MYH11: variants seen among roughly 807,000 people sequenced by gnomAD.
The protein encoded by MYH11 is myosin-11.
In MYH11, 80 loss-of-function variants were observed where a neutral mutation model predicts 246.6. The ratio of observed to expected loss-of-function variants is 0.32; its 90% CI spans 0.27 to 0.39. The LOEUF (loss-of-function observed/expected upper bound fraction) is 0.39, where lower values mean the gene tolerates loss of function less well. Ranked by LOEUF, MYH11 falls within the 10% of genes least tolerant of loss-of-function variation. MYH11 has a pLI of 1.00. For missense variants in MYH11, 2,158 were observed against 2,546.8 expected (o/e 0.85, Z 3.29); for synonymous variants, 1,071 against 1,015.5 (o/e 1.05, Z -1.04).
At chr16:15,743,366 G>A (rs1234986989) in intron 20 of MYH11, among the ~76,000 whole-genome samples, 3 of 151,944 alleles carry the variant, frequency 2.0e-5, no homozygotes, top group Admixed American at 6.6e-5. Context: ...ATAGGGTTTC[G>A]CCATGTTGGC....
intron 32 of MYH11, 68 bp from the exon 33 acceptor site, chr16:15,721,119 G>A (rs534984822): frequency 2.2e-5 from 34 of 1,548,244 alleles, no homozygotes; most frequent in East Asian, 2.0e-4. Flanking sequence ...GAAACCCACC[G>A]TGAGCGGCAC....
At chr16:15,714,208 G>T (rs1283011629) in intron 40 of MYH11, 2 of 153,778 alleles carry the variant, frequency 1.3e-5, no homozygotes, top group Non-Finnish European at 2.9e-5. Flanking sequence ...CTTGGGAGCA[G>T]GGGGGACCCC....
At position 15,759,622 on chromosome 16, in the gene MYH11, G is replaced by A. The variant is rs1291260053; in HGVS notation, c.1355C>T (p.Ala452Val). 6.2e-7 allele frequency: 1 copy of A among 1,614,042 alleles called. No homozygotes were observed. Among genetic ancestry groups the A allele is most frequent in the African/African-American group, 1.3e-5 (1 of 74,908 alleles). The change falls in exon 12 of 41, where the codon GCT becomes GTT. Residue 452 changes from alanine (A) to valine (V), a missense_variant. Ala to Val is a moderately conservative substitution (Grantham distance 64). Transcript: ENST00000300036. ...KALDKTHRQG[A>V]SFLGILDIAG... Reference sequence around the variant, plus strand: ...TATATCCAGGATCCCCAGGAAGGAAGCCCCTTGCCGATGGGTCTTGTCCAG... The same window carrying A: ...TATATCCAGGATCCCCAGGAAGGAAACCCCTTGCCGATGGGTCTTGTCCAG...
chr16:15,741,987 T>A, intron 20 of MYH11, 96 bp from the exon 21 acceptor site: 1 of 1,534,032 alleles, frequency 6.5e-7, no homozygotes, highest in Non-Finnish European at 8.8e-7. Context: ...GGGACAATGT[T>A]GCCCCCACCG....
chr16:15,845,830 G>A (rs916071678), intron 1 of MYH11, among the ~76,000 whole-genome samples: 1 of 152,106 alleles, frequency 6.6e-6, no homozygotes, highest in African/African-American at 2.4e-5. Flanking sequence ...GATGGCTCAT[G>A]CCTATAATCC....
chr16:15,845,060 C>A (rs1287339485), intron 1 of MYH11, among the ~76,000 whole-genome samples: 2 of 152,216 alleles, frequency 1.3e-5, no homozygotes, highest in African/African-American at 4.8e-5. Context: ...CGTGACTCTG[C>A]CACTGCAGAA....
At chr16:15,821,469 A>AG (rs759466934) in intron 3 of MYH11, among the ~76,000 whole-genome samples, 37 of 152,330 alleles carry the variant, frequency 2.4e-4, no homozygotes, top group Non-Finnish European at 5.0e-4. Context: ...AATATACAAT[A>AG]TTAAAGACTT....
At chr16:15,745,006 T>C in intron 20 of MYH11, 123 bp downstream of exon 20, 1 of 770,168 alleles carries the variant, frequency 1.3e-6, no homozygotes, top group Non-Finnish European at 2.3e-6. Flanking sequence ...ATGCTCAAGG[T>C]CTGAGTTCGA....
intron 10 of MYH11, 55 bp downstream of exon 10, chr16:15,763,741 T>TCA: frequency 9.3e-6 from 6 of 646,862 alleles, no homozygotes; most frequent in South Asian, 1.4e-5. Context: ...AAATGTCACC[T>TCA]CCCCCACCCC....
chr16:15,782,311 C>T (rs1209298828), intron 6 of MYH11, 74 bp downstream of exon 6: 1 of 1,349,604 alleles, frequency 7.4e-7, no homozygotes, highest in Non-Finnish European at 1.1e-6. Context: ...CCTCTGCACG[C>T]AAACACTCTG....
chr16:15,780,279 G>A (rs191339590), intron 6 of MYH11, among the ~76,000 whole-genome samples: 6 of 151,910 alleles, frequency 3.9e-5, no homozygotes, highest in Admixed American at 2.6e-4. Flanking sequence ...GTTGGGGGGG[G>A]GCCGCTGTTG....
intron 7 of MYH11, among the ~76,000 whole-genome samples, chr16:15,778,453 A>G (rs1280621548): frequency 2.0e-5 from 3 of 152,178 alleles, no homozygotes; most frequent in Admixed American, 6.5e-5. Flanking sequence ...TCACATTTCT[A>G]TGAGGCAGGT....
chr16:15,707,185 T>A (rs1348401963), intron 40 of MYH11, among the ~76,000 whole-genome samples: 1 of 152,078 alleles, frequency 6.6e-6, no homozygotes, highest in South Asian at 2.1e-4. Flanking sequence ...ACTACAGACA[T>A]GCCACCACTC....
chr16:15,856,720 C>G (rs916376578), intron 1 of MYH11, among the ~76,000 whole-genome samples: 10 of 151,848 alleles, frequency 6.6e-5, no homozygotes, highest in African/African-American at 2.2e-4. Context: ...AATGGTACTT[C>G]TCACTGGCAA....
chr16:15,845,281 TATG>T (rs1336097106), intron 1 of MYH11, among the ~76,000 whole-genome samples: 2 of 145,274 alleles, frequency 1.4e-5, no homozygotes, highest in Non-Finnish European at 1.5e-5. Context: ...CTTAAAACAG[TATG>T]ATATTTTTTC....
rs375133214 is a variant in MYH11, at chr16:15,753,494, C to G, written c.1764G>C (p.Ala588=). 15 of 1,613,972 alleles carry G rather than the reference C, an allele frequency of 9.3e-6. No homozygotes were observed. In the Middle Eastern group the frequency reaches 4.9e-4, roughly 53 times the overall value. ...IHYAGKVDYN[A]SAWLTKNMDP... ...CCATATTCTTGGTCAGCCAGGCACT[C>G]GCATTATAGTCCACCTGCCAAGGAC... Residue 588 remains alanine, a synonymous_variant, in exon 15 of 41, where the codon GCG becomes GCC. Transcript: ENST00000300036.
intron 4 of MYH11, among the ~76,000 whole-genome samples, chr16:15,797,437 T>C (rs2151320783): frequency 6.6e-6 from 1 of 152,006 alleles, no homozygotes; most frequent in Non-Finnish European, 1.5e-5. Context: ...TCTCTCAGCA[T>C]AAATAGATCA....
intron 4 of MYH11, among the ~76,000 whole-genome samples, chr16:15,788,048 G>C (rs1451751212): frequency 1.4e-5 from 2 of 138,322 alleles, no homozygotes; most frequent in African/African-American, 2.7e-5. Flanking sequence ...TATCAAAAAA[G>C]TATGTCCTCC....
intron 3 of MYH11, among the ~76,000 whole-genome samples, chr16:15,820,041 G>C (rs2043365948): frequency 1.3e-5 from 2 of 151,954 alleles, no homozygotes; most frequent in Admixed American, 1.3e-4. Context: ...GCCTTGGAAA[G>C]GCCAAAAAAA....
Sources: gnomAD v4.1 joint callset for allele counts (sites outside exome capture counted in the v4.1 genomes callset) on GRCh38, gnomAD v4.1.1 for gene constraint, MANE v1.5 for transcripts, NCBI Gene and HGNC (gene_info 2026-07-23, HGNC 2026-07-21) for gene names.